Variants in FRMD4A observed in about 807,000 individuals in gnomAD.
FRMD4A encodes FERM domain containing 4A.
Under a neutral mutation model 129.1 loss-of-function variants are expected in FRMD4A, and 29 were observed. The ratio of observed to expected loss-of-function variants is 0.22; its 90% CI spans 0.17 to 0.31. The LOEUF (loss-of-function observed/expected upper bound fraction) is 0.31. FRMD4A is among the 10% of genes least tolerant of loss of function. The pLI is 1.00. For synonymous variants in FRMD4A, 634 were observed against 571.6 expected (o/e 1.11, Z -1.56); for missense variants, 1,272 against 1,375.8 (o/e 0.92, Z 1.19).
At chr10:13,711,715 TAA>T (rs978785146) in intron 12 of FRMD4A, among the ~76,000 whole-genome samples, 2 of 152,250 alleles carry the variant, frequency 1.3e-5, no homozygotes, top group African/African-American at 4.8e-5. Flanking sequence ...TAAGCATCTT[TAA>T]AAAGCCCTGC....
At chr10:14,185,587 A>G (rs189252895) in intron 2 of FRMD4A, among the ~76,000 whole-genome samples, 6 of 150,984 alleles carry the variant, frequency 4.0e-5, no homozygotes, top group Non-Finnish European at 5.9e-5. Context: ...GTCTTGTAAG[A>G]AAGAGAAACA....
intron 2 of FRMD4A, among the ~76,000 whole-genome samples, chr10:14,006,069 C>T (rs1037770819): frequency 7.2e-5 from 11 of 152,204 alleles, no homozygotes; most frequent in African/African-American, 2.7e-4. Context: ...ACCTCTCCTC[C>T]TCTTCTATAA....
rs11258633 is a variant in FRMD4A, at chr10:13,812,600, G to A, written c.112-1692C>T. On this transcript the variant is annotated intron_variant, in intron 3 of 24. Coordinates refer to ENST00000357447, the MANE Select transcript of FRMD4A (RefSeq NM_018027.5). Reference sequence around the variant, plus strand: ...GACCTTAGACTTTTAACAGGGACACGGAGTAAGAGCTAGCGCTGAGTTTAA... The same window carrying A: ...GACCTTAGACTTTTAACAGGGACACAGAGTAAGAGCTAGCGCTGAGTTTAA... 2.9e-3 allele frequency among the ~76,000 whole-genome samples: 440 copies of A among 152,322 alleles called. 3 individuals are homozygous for A. Among genetic ancestry groups the A allele is most frequent in the African/African-American group, 0.01 (417 of 41,582 alleles).
intron 3 of FRMD4A, among the ~76,000 whole-genome samples, chr10:13,856,916 G>A (rs2094221440): frequency 6.6e-6 from 1 of 152,166 alleles, no homozygotes; most frequent in African/African-American, 2.4e-5. Context: ...GGAAAAGCAT[G>A]TAAAATACAC....
At chr10:14,108,798 A>G (rs903867622) in intron 2 of FRMD4A, among the ~76,000 whole-genome samples, 1 of 152,218 alleles carries the variant, frequency 6.6e-6, no homozygotes, top group Non-Finnish European at 1.5e-5. Context: ...GATAAAATGA[A>G]AAAGGACTGA....
chr10:14,052,885 C>T (rs1834330503), intron 2 of FRMD4A, among the ~76,000 whole-genome samples: 1 of 152,084 alleles, frequency 6.6e-6, no homozygotes, highest in Non-Finnish European at 1.5e-5. Flanking sequence ...TTTTAACACT[C>T]AGATCTTGCC....
chr10:14,249,498 C>T (rs1844361947), intron 2 of FRMD4A, among the ~76,000 whole-genome samples: 1 of 152,250 alleles, frequency 6.6e-6, no homozygotes, highest in African/African-American at 2.4e-5. Context: ...TCTGCACTGC[C>T]CATGCCACCC....
At chr10:14,209,366 G>C (rs745477803) in intron 2 of FRMD4A, among the ~76,000 whole-genome samples, 1 of 152,106 alleles carries the variant, frequency 6.6e-6, no homozygotes, top group Non-Finnish European at 1.5e-5. Context: ...TTTGGAAAAA[G>C]AAATCTGTAC....
intron 2 of FRMD4A, among the ~76,000 whole-genome samples, chr10:14,300,075 T>C (rs972416515): frequency 6.6e-6 from 1 of 151,738 alleles, no homozygotes; most frequent in African/African-American, 2.4e-5. Context: ...ACTAGAACTT[T>C]TATACCTTCG....
intron 2 of FRMD4A, among the ~76,000 whole-genome samples, chr10:13,953,359 TC>T (rs2095386858): frequency 1.3e-5 from 2 of 152,262 alleles, no homozygotes; most frequent in South Asian, 4.2e-4. Flanking sequence ...CATACCATAG[TC>T]CCCCATTATC....
chr10:14,150,006 G>GAA (rs1312092167), intron 2 of FRMD4A, among the ~76,000 whole-genome samples: 22 of 152,176 alleles, frequency 1.4e-4, no homozygotes, highest in African/African-American at 7.2e-5. Context: ...AAGGTGAAGG[G>GAA]GGAGCAAGCA....
chr10:13,720,756 AG>A (rs1158095266), intron 12 of FRMD4A, among the ~76,000 whole-genome samples: 1 of 152,194 alleles, frequency 6.6e-6, no homozygotes, highest in African/African-American at 2.4e-5. Context: ...CCAGGGGCAA[AG>A]CTGGGCAGCT....
chr10:14,060,025 T>C (rs972289518), intron 2 of FRMD4A, among the ~76,000 whole-genome samples: 54 of 152,232 alleles, frequency 3.5e-4, no homozygotes, highest in African/African-American at 1.3e-3. Context: ...TTCTAACTCA[T>C]GCAGTCTAGT....
chr10:13,819,916 G>A (rs1243122822), intron 3 of FRMD4A, among the ~76,000 whole-genome samples: 1 of 152,136 alleles, frequency 6.6e-6, no homozygotes, highest in Non-Finnish European at 1.5e-5. Context: ...TAGAGATGAC[G>A]TTTCAACATG....
intron 2 of FRMD4A, among the ~76,000 whole-genome samples, chr10:14,174,534 G>T (rs868095607): frequency 6.6e-6 from 1 of 150,402 alleles, no homozygotes; most frequent in Non-Finnish European, 1.5e-5. Context: ...GCGTTTGTTC[G>T]TTCATTCATT....
intron 2 of FRMD4A, among the ~76,000 whole-genome samples, chr10:14,167,538 CAAAAAAAAAAAAAAAAA>C (rs59290414): frequency 1.7e-5 from 1 of 57,580 alleles, no homozygotes; most frequent in Non-Finnish European, 2.9e-5. Flanking sequence ...CTCCGTCTCT[CAAAAAAAAAAAAAAAAA>C]AAAAAAAAGG....
rs1394123393 is a variant in FRMD4A at position 14,330,809 on chromosome 10, T to A, written c.-294A>T. 1 of 398,678 alleles carries A rather than the reference T, an allele frequency of 2.5e-6. No homozygotes were observed. Among genetic ancestry groups the A allele is most frequent in the Non-Finnish European group, 4.4e-6 (1 of 226,226 alleles). 24.7% of individuals were successfully genotyped at this position (398,678 alleles called of 1,614,324 possible). A position where few individuals can be genotyped will look rare whatever the true frequency, so the allele number is the denominator to read the frequency against. ...ATCTACTTTTCCTCTCCAAGTAGAC[T>A]GGCCAGCTCAGCTCCCGGTAGGGCT... On this transcript the variant is annotated 5_prime_UTR_variant, in exon 1 of 25. Coordinates refer to ENST00000357447, the MANE Select transcript of FRMD4A (RefSeq NM_018027.5).
intron 2 of FRMD4A, among the ~76,000 whole-genome samples, chr10:14,089,618 C>A (rs373454214): frequency 8.3e-3 from 657 of 79,192 alleles, no homozygotes; most frequent in East Asian, 0.011. Context: ...CCTTTTCAAG[C>A]AAAAAAAAAA....
chr10:13,808,629 C>T (rs2093396675), intron 4 of FRMD4A, among the ~76,000 whole-genome samples: 1 of 152,240 alleles, frequency 6.6e-6, no homozygotes, highest in South Asian at 2.1e-4. Context: ...CACGGCCTCA[C>T]CACTGCCCAG....
Sources: allele counts gnomAD v4.1 joint callset (sites outside exome capture counted in the v4.1 genomes callset), GRCh38; gene constraint gnomAD v4.1.1; transcripts MANE v1.5; gene names NCBI Gene and HGNC (gene_info 2026-07-23, HGNC 2026-07-21).